Variants in KCNQ3 observed in about 807,000 individuals in gnomAD.
KCNQ3 encodes potassium voltage-gated channel subfamily Q member 3, also known as potassium voltage-gated channel subfamily KQT member 3.
Under a neutral mutation model 92.5 loss-of-function variants are expected in KCNQ3, and 30 were observed. The ratio of observed to expected loss-of-function variants is 0.32; its 90% CI spans 0.24 to 0.44. The LOEUF is 0.44. Ranked by LOEUF, KCNQ3 falls within the 20% of genes least tolerant of loss-of-function variation. The pLI is 1.00. For missense variants in KCNQ3, 913 were observed against 1,140.3 expected, an observed-to-expected ratio of 0.80 and a Z score of 2.87; for synonymous variants, 450 against 468.8, an observed-to-expected ratio of 0.96 and a Z score of 0.52.
intron 1 of KCNQ3, among the ~76,000 whole-genome samples, chr8:132,216,410 A>C (rs1814031231): frequency 6.6e-6 from 1 of 152,224 alleles, no homozygotes; most frequent in Non-Finnish European, 1.5e-5. Flanking sequence ...TGGGATAGGA[A>C]GGAGTCACCT....
chr8:132,132,126 T>A, intron 14 of KCNQ3, 54 bp downstream of exon 14: 7 of 1,154,218 alleles, frequency 6.1e-6, no homozygotes, highest in South Asian at 5.1e-5. Flanking sequence ...AGAAATGGCA[T>A]TTGAAAATAA....
intron 13 of KCNQ3, 80 bp from the exon 14 acceptor site, chr8:132,132,344 G>A: frequency 9.7e-7 from 1 of 1,028,876 alleles, no homozygotes; most frequent in Non-Finnish European, 1.5e-6. Context: ...GCAGGCCATG[G>A]CCAACAGAGC....
At chr8:132,265,389 A>G (rs979732188) in intron 1 of KCNQ3, among the ~76,000 whole-genome samples, 11 of 152,234 alleles carry the variant, frequency 7.2e-5, no homozygotes, top group Non-Finnish European at 1.6e-4. Flanking sequence ...TTCCTTGGCA[A>G]AGAGTCTACC....
In KCNQ3 at chr8:132,129,987, T is replaced by C; in HGVS notation, c.1894A>G (p.Met632Val). ...ACGAGGAAGTCCAGCTTCTTCCCCATGTCCTGAACCTGGAAAATCAAAGGA... is the reference window on the plus strand; with the variant it reads ...ACGAGGAAGTCCAGCTTCTTCCCCACGTCCTGAACCTGGAAAATCAAAGGA... ...FVKVERQVQDMGKKLDFLVDM... is the reference protein window; with the variant it reads ...FVKVERQVQDVGKKLDFLVDM... The change falls in exon 15 of 15, where the codon ATG (methionine) becomes GTG (valine). Residue 632 changes from methionine to valine, a missense_variant. By Grantham distance (21) the Met-to-Val change is conservative. This residue lies in a region of KCNQ3 where 375 missense variants were observed against 376.4 expected (regional missense o/e 1.00). Transcript: ENST00000388996. The surrounding 1 kb of genome is among the most constrained non-coding windows in gnomAD (Gnocchi z 5.9). The C allele has an allele frequency of 1.9e-6, 3 of 1,613,498 alleles. No individual in the cohort carries two copies. Among genetic ancestry groups the C allele is most frequent in the Non-Finnish European group, 2.5e-6 (3 of 1,180,032 alleles).
chr8:132,311,747 T>C (rs1460918860), intron 1 of KCNQ3, among the ~76,000 whole-genome samples: 1 of 152,188 alleles, frequency 6.6e-6, no homozygotes, highest in Non-Finnish European at 1.5e-5. Context: ...ATTGGTCACC[T>C]CTGAAGACAC....
At chr8:132,231,763 C>T (rs1321180281) in intron 1 of KCNQ3, among the ~76,000 whole-genome samples, 2 of 152,206 alleles carry the variant, frequency 1.3e-5, no homozygotes, top group African/African-American at 4.8e-5. Flanking sequence ...CATGCCAATC[C>T]TCTGCCATGT....
intron 1 of KCNQ3, among the ~76,000 whole-genome samples, chr8:132,310,428 T>C (rs1285664580): frequency 2.0e-5 from 3 of 152,176 alleles, no homozygotes; most frequent in East Asian, 3.9e-4. Flanking sequence ...CCACGAGGAG[T>C]GCAGGAGTGC....
Position 132,129,407 on chromosome 8 carries a change from C to T in KCNQ3, c.2474G>A (p.Ser825Asn), listed in dbSNP as rs765525755. 1 of 1,614,236 alleles carries T rather than the reference C, an allele frequency of 6.2e-7. No homozygotes were observed. Among genetic ancestry groups the T allele is most frequent in the East Asian group, 2.2e-5 (1 of 44,864 alleles). The change falls in exon 15 of 15, where the codon AGC (serine) becomes AAC (asparagine). Residue 825 changes from serine (S) to asparagine (N), a missense_variant. Physicochemically the swap from Ser to Asn is conservative, Grantham distance 46 (BLOSUM62 1). This residue lies in a region of KCNQ3 where 375 missense variants were observed against 376.4 expected (regional missense o/e 1.00). Transcript: ENST00000388996. This position sits in a 1 kb window ranked among gnomAD's most constrained non-coding sequence, Gnocchi z 5.9. ...GAGGTACCGCTTCTCCCTCATCCAGCTCGACCCCCCATTGGGGCCGAACAC... is the reference window on the plus strand; with the variant it reads ...GAGGTACCGCTTCTCCCTCATCCAGTTCGACCCCCCATTGGGGCCGAACAC... ...DYVFGPNGGS[S>N]WMREKRYLAE...
At chr8:132,380,469 T>A (rs1247778316) in intron 1 of KCNQ3, among the ~76,000 whole-genome samples, 3 of 152,184 alleles carry the variant, frequency 2.0e-5, no homozygotes, top group Non-Finnish European at 2.9e-5. Flanking sequence ...CTAATTATCA[T>A]GCAAAACAGC....
rs1045933207 is a variant in KCNQ3, at chr8:132,277,844, G to C, written c.387-91663C>G. 3.8e-5 allele frequency: 25 copies of C among 659,322 alleles called. No homozygotes were observed. The African/African-American group carries it at 4.1e-4, about 11-fold the overall frequency. The allele number at this position is 659,322 out of a possible 1,614,324, so 40.8% of individuals were successfully genotyped here. A position where few individuals can be genotyped will look rare whatever the true frequency, so the allele number is the denominator to read the frequency against. The stretch of plus-strand genomic sequence containing the variant: ...GCCTTAGACTGAATCTTGCTCTCTA[G>C]AAACCAGGTTGTTGGAAGGTTTTTT... On this transcript the variant is annotated intron_variant, in intron 1 of 14. Transcript: ENST00000388996.
chr8:132,184,649 G>A (rs1449602476), intron 2 of KCNQ3, among the ~76,000 whole-genome samples: 3 of 152,076 alleles, frequency 2.0e-5, no homozygotes, highest in Admixed American at 1.3e-4. Context: ...CTATGTTTTT[G>A]TTCCAATAGG....
At chr8:132,184,400 T>G in intron 2 of KCNQ3, 33 bp from the exon 3 acceptor site, 1 of 1,611,096 alleles carries the variant, frequency 6.2e-7, no homozygotes, top group South Asian at 1.1e-5. Context: ...AGGCACTGAT[T>G]AACCGAGATC....
At chr8:132,237,933 T>A (rs1304243415) in intron 1 of KCNQ3, among the ~76,000 whole-genome samples, 1 of 152,160 alleles carries the variant, frequency 6.6e-6, no homozygotes, top group Non-Finnish European at 1.5e-5. Context: ...GGACAAATAC[T>A]ACCACTTTAA....
At chr8:132,416,349 C>T (rs923802746) in intron 1 of KCNQ3, among the ~76,000 whole-genome samples, 5 of 152,152 alleles carry the variant, frequency 3.3e-5, no homozygotes, top group African/African-American at 9.7e-5. Context: ...TAAATTCAGT[C>T]GGGCACAGTG....
At chr8:132,156,732 G>GTAGTA (rs1292262722) in intron 9 of KCNQ3, among the ~76,000 whole-genome samples, 1 of 152,192 alleles carries the variant, frequency 6.6e-6, no homozygotes, top group Non-Finnish European at 1.5e-5. Flanking sequence ...ACACAAACAT[G>GTAGTA]TAGTATCGCT....
chr8:132,220,857 G>T (rs1449896287), intron 1 of KCNQ3, among the ~76,000 whole-genome samples: 1 of 151,810 alleles, frequency 6.6e-6, no homozygotes, highest in East Asian at 1.9e-4. Flanking sequence ...GGGTACATGT[G>T]CACAATGTGC....
chr8:132,365,053 G>C (rs1819280425), intron 1 of KCNQ3, among the ~76,000 whole-genome samples: 1 of 152,150 alleles, frequency 6.6e-6, no homozygotes, highest in Admixed American at 6.5e-5. Flanking sequence ...GGCCACTCAA[G>C]CAGCCAAGAT....
chr8:132,364,841 A>C (rs925271934), intron 1 of KCNQ3, among the ~76,000 whole-genome samples: 1 of 152,122 alleles, frequency 6.6e-6, no homozygotes, highest in East Asian at 1.9e-4. Context: ...AACATTGATA[A>C]ATTTCCTAAG....
At chr8:132,388,373 G>C (rs573008547) in intron 1 of KCNQ3, among the ~76,000 whole-genome samples, 1 of 152,108 alleles carries the variant, frequency 6.6e-6, no homozygotes, top group Non-Finnish European at 1.5e-5. Context: ...TAAAGAGTAC[G>C]AGAAAACTTC....
Sources: allele counts gnomAD v4.1 joint callset (sites outside exome capture counted in the v4.1 genomes callset), GRCh38; gene constraint gnomAD v4.1.1; regional missense constraint gnomAD v4.1.1; non-coding constraint Gnocchi (gnomAD v3.1); transcripts MANE v1.5; gene names NCBI Gene and HGNC (gene_info 2026-07-23, HGNC 2026-07-21).